The following RGR variants were observed in gnomAD, a reference collection of about 807,000 sequenced individuals.
RGR encodes the protein retinal G protein coupled receptor, also known as RPE-retinal G protein-coupled receptor.
In RGR, 30 loss-of-function variants were observed where a neutral mutation model predicts 28.6. That is an observed-to-expected ratio of 1.05 (90% confidence interval 0.78 to 1.42). RGR has a LOEUF of 1.42. RGR is among the 40% of genes most tolerant of loss of function. RGR has a pLI of 0.00. For synonymous variants in RGR, 180 were observed against 156.4 expected, an observed-to-expected ratio of 1.15 and a Z score of -1.13; for missense variants, 404 against 375.6, an observed-to-expected ratio of 1.08 and a Z score of -0.62.
At chr10:84,249,591 G>T (rs185677465) in intron 3 of RGR, among the ~76,000 whole-genome samples, 1 of 152,316 alleles carries the variant, frequency 6.6e-6, no homozygotes, top group African/African-American at 2.4e-5. Context: ...GATTACAGGC[G>T]TGAGCCACCG....
chr10:84,258,605 C>T lies in RGR; in HGVS notation c.842C>T (p.Ser281Leu), dbSNP rs756906051. Residue 281 changes from serine to leucine, a missense_variant, in exon 7 of 7, where the codon TCA (serine) becomes TTA (leucine). Ser to Leu is a moderately radical substitution (Grantham distance 145, BLOSUM62 -2). Transcript: ENST00000652092. ...TGCAGGGGAATCTGGCAGTGCCTCT[C>T]ACCGCAGAAGAGGGAGAAGGACCGA... ...MVCRGIWQCL[S>L]PQKREKDRTK 22 of 1,614,090 alleles carry T rather than the reference C, an allele frequency of 1.4e-5. No individual in the cohort carries two copies. In the South Asian group the frequency reaches 2.3e-4, roughly 17 times the overall value.
At chr10:84,245,202 G>A (rs374127431) in intron 1 of RGR, 33 bp downstream of exon 1, 1 of 1,604,058 alleles carries the variant, frequency 6.2e-7, no homozygotes, top group African/African-American at 1.3e-5. Context: ...TGCAGCGGGG[G>A]CCCAGTGGGT....
At chr10:84,257,284 C>A (rs992107707) in intron 5 of RGR, among the ~76,000 whole-genome samples, 2 of 152,204 alleles carry the variant, frequency 1.3e-5, no homozygotes, top group Non-Finnish European at 2.9e-5. Context: ...AGCCCCTCCC[C>A]CGCTGATTGT....
intron 3 of RGR, chr10:84,251,072 T>TA (rs1309683107): frequency 9.2e-5 from 14 of 151,880 alleles, no homozygotes; most frequent in African/African-American, 2.4e-4. Flanking sequence ...CCATCTCTAC[T>TA]AAAAATACAA....
chr10:84,250,422 C>T (rs530444899), intron 3 of RGR: 210 of 717,112 alleles, frequency 2.9e-4, no homozygotes, highest in Non-Finnish European at 4.7e-4. Flanking sequence ...TTTTGAGTGG[C>T]GATAGGTTAG....
chr10:84,249,041 C>T lies in RGR; in HGVS notation c.356C>T (p.Thr119Ile), dbSNP rs369750051. Residue 119 changes from threonine (T) to isoleucine (I), a missense_variant and splice_region_variant, in exon 3 of 7, where the codon ACC becomes ATC. Coordinates refer to ENST00000652092, the MANE Select transcript of RGR (RefSeq NM_001012720.2). The stretch of plus-strand genomic sequence containing the variant: ...TGGGGGCGTTATCACCACTACTGCA[C>T]CCGTATGTATCTGGGCTCCTGGAGT... ...IAWGRYHHYC[T>I]RSQLAWNSAV... 7.4e-6 allele frequency: 12 copies of T among 1,613,762 alleles called. No individual in the cohort carries two copies. The highest frequency in any genetic ancestry group is 1.0e-5 in the Non-Finnish European group (12 of 1,179,836).
intron 3 of RGR, among the ~76,000 whole-genome samples, chr10:84,249,386 C>T (rs180832139): frequency 2.6e-4 from 40 of 152,318 alleles, no homozygotes; most frequent in Admixed American, 2.5e-3. Flanking sequence ...GACCTCGGCT[C>T]ACTGCAACCT....
rs770033750 is a variant in RGR at position 84,247,612 on chromosome 10, A to G, written c.101A>G (p.Asn34Ser). 2 of 1,613,942 alleles carry G rather than the reference A, an allele frequency of 1.2e-6. No homozygotes were observed. The highest frequency in any genetic ancestry group is 1.7e-6 in the Non-Finnish European group (2 of 1,180,004). Residue 34 changes from asparagine to serine, a missense_variant, in exon 2 of 7, where the codon AAT becomes AGT. Transcript: ENST00000652092. ...TCAGCTCTCTCCGGTCTCAGCCTCAATACCCTGACCATCTTCTCTTTCTGC... is the reference window on the plus strand; with the variant it reads ...TCAGCTCTCTCCGGTCTCAGCCTCAGTACCCTGACCATCTTCTCTTTCTGC... Reference protein sequence around the residue: ...LVEALSGLSLNTLTIFSFCKT... With the variant: ...LVEALSGLSLSTLTIFSFCKT...
In RGR at chr10:84,257,900, C is replaced by A. The variant is rs1842907165; in HGVS notation, c.638C>A (p.Thr213Asn). 1.9e-6 allele frequency: 3 copies of A among 1,613,914 alleles called. No individual in the cohort carries two copies. Among genetic ancestry groups the A allele is most frequent in the Admixed American group, 3.3e-5 (2 of 60,008 alleles). The part of the protein sequence containing the change: ...LGKSGHLQVN[T>N]TLPARTLLLG... ...GTGACAATTTCTCCCCAGGTAAACA[C>A]CACTCTGCCAGCAAGGACGCTGCTG... Residue 213 changes from threonine (T) to asparagine (N), a missense_variant, in exon 6 of 7, where the codon ACC becomes AAC. Coordinates refer to ENST00000652092, the MANE Select transcript of RGR (RefSeq NM_001012720.2).
At chr10:84,258,071 C>T in intron 6 of RGR, 65 bp downstream of exon 6, 4 of 1,378,076 alleles carry the variant, frequency 2.9e-6, no homozygotes, top group Non-Finnish European at 4.1e-6. Flanking sequence ...CTCATCTCAT[C>T]TCACTTTCTG....
At position 84,257,965 on chromosome 10, in the gene RGR, G is replaced by A. The variant is rs776429279; in HGVS notation, c.703G>A (p.Val235Ile). The A allele has an allele frequency of 7.4e-6, 12 of 1,614,186 alleles. No individual in the cohort carries two copies. Among genetic ancestry groups the A allele is most frequent in the Non-Finnish European group, 1.0e-5 (12 of 1,180,040 alleles). ...CTATGCCATCCTGTATCTATACGCA[G>A]TCATCGCAGACGTGACTTCCATCTC... is the stretch of plus-strand genomic sequence containing the variant. ...GPYAILYLYA[V>I]IADVTSISPK... The change falls in exon 6 of 7, where the codon GTC becomes ATC. Residue 235 changes from valine (V) to isoleucine (I), a missense_variant. Val to Ile is a conservative substitution (Grantham distance 29). Transcript: ENST00000652092.
In RGR at chr10:84,259,170, A is replaced by T; in HGVS notation, c.*531A>T. The T allele has an allele frequency of 6.0e-6, 1 of 166,164 alleles. No homozygotes were observed. The highest frequency in any genetic ancestry group is 5.5e-5 in the Admixed American group (1 of 18,062). 10.3% of individuals were successfully genotyped at this position (166,164 alleles called of 1,614,324 possible). A position where few individuals can be genotyped will look rare whatever the true frequency, so the allele number is the denominator to read the frequency against. On this transcript the variant is annotated 3_prime_UTR_variant, in exon 7 of 7. Coordinates refer to ENST00000652092, the MANE Select transcript of RGR (RefSeq NM_001012720.2). ...TTGAGTTATTTCACTTAAAATAATG[A>T]CCTCCAGTTTCATCCATGTTGCTGC...
intron 1 of RGR, 80 bp downstream of exon 1, chr10:84,245,249 G>C: frequency 7.0e-7 from 1 of 1,436,332 alleles, no homozygotes; most frequent in Non-Finnish European, 9.6e-7. Flanking sequence ...AGCTGGCAAG[G>C]AGAGGAGAGG....
intron 3 of RGR, among the ~76,000 whole-genome samples, chr10:84,249,877 T>C (rs1589331295): frequency 6.6e-6 from 1 of 152,204 alleles, no homozygotes; most frequent in Non-Finnish European, 1.5e-5. Flanking sequence ...CATTTTTCCT[T>C]AATTTTTTTT....
At chr10:84,250,607 C>A (rs1842804394) in intron 3 of RGR, 1 of 624,608 alleles carries the variant, frequency 1.6e-6, no homozygotes, top group East Asian at 2.8e-5. Context: ...AACAGTTAAT[C>A]CCTGTGCCAG....
chr10:84,258,439 C>A, intron 6 of RGR, 69 bp from the exon 7 acceptor site: 1 of 1,612,760 alleles, frequency 6.2e-7, no homozygotes, highest in South Asian at 1.1e-5. Flanking sequence ...TGACCGGGGT[C>A]ACCAGGTGAG....
At position 84,245,178 on chromosome 10, in the gene RGR, G is replaced by C; in HGVS notation, c.79+9G>C. 6.2e-7 allele frequency: 1 copy of C among 1,611,852 alleles called. No individual in the cohort carries two copies. The highest frequency in any genetic ancestry group is 1.1e-5 in the South Asian group (1 of 90,912). ...GGTGCTACTGGTGGAAGGTGAGCCA[G>C]GCAGAACCTGGGGTGCAGCGGGGGC... On this transcript the variant is annotated intron_variant, in intron 1 of 6. Transcript: ENST00000652092.
chr10:84,254,620 T>C (rs1272335931), intron 5 of RGR, among the ~76,000 whole-genome samples, 177 bp downstream of exon 5: 3 of 152,216 alleles, frequency 2.0e-5, no homozygotes, highest in Non-Finnish European at 2.9e-5. Context: ...GGTGGACCAA[T>C]CTCTGCGAAG....
intron 2 of RGR, 101 bp downstream of exon 2, chr10:84,247,848 A>T: frequency 6.4e-7 from 1 of 1,563,584 alleles, no homozygotes; most frequent in Non-Finnish European, 8.7e-7. Context: ...CTACTTACAG[A>T]AAATTGGCCA....
Sources: gnomAD v4.1 joint callset for allele counts (sites outside exome capture counted in the v4.1 genomes callset) on GRCh38, gnomAD v4.1.1 for gene constraint, MANE v1.5 for transcripts, NCBI Gene and HGNC (gene_info 2026-07-23, HGNC 2026-07-21) for gene names.